The following NEXMIF variants were observed in gnomAD, a reference collection of about 807,000 sequenced individuals.
NEXMIF encodes XLMR protein related to neurite extension.
Under a neutral mutation model 62.1 loss-of-function variants are expected in NEXMIF, and 8 were observed. The observed-to-expected ratio is 0.13, with a 90% confidence interval of 0.08 to 0.23. The LOEUF is 0.23. Ranked by LOEUF, NEXMIF falls within the 10% of genes least tolerant of loss-of-function variation. NEXMIF has a pLI of 1.00. For synonymous variants in NEXMIF, 404 were observed against 416.6 expected (o/e 0.97, Z 0.37); for missense variants, 976 against 1,113.3 (o/e 0.88, Z 1.75).
chrX:74,885,306 C>G (rs1399072546), intron 1 of NEXMIF, among the ~76,000 whole-genome samples: 1 of 111,421 alleles, frequency 9.0e-6, no homozygotes, highest in Non-Finnish European at 1.9e-5. Flanking sequence ...CAGAGCAGAA[C>G]TGAAGGAAAT....
Position 74,742,866 on chromosome X carries a change from C to T in NEXMIF, c.1691G>A (p.Ser564Asn). The change falls in exon 3 of 4, where the codon AGT becomes AAT. Residue 564 changes from serine to asparagine, a missense_variant. Ser to Asn is a conservative substitution (Grantham distance 46). Coordinates refer to ENST00000055682, the MANE Select transcript of NEXMIF (RefSeq NM_001008537.3). ...MLVKLGKVDA[S>N]ETTVNLSENQ... Reference sequence around the variant, plus strand: ...CTCACTCAAATTCACTGTTGTCTCACTGGCATCCACCTTACCCAACTTCAC... The same window carrying T: ...CTCACTCAAATTCACTGTTGTCTCATTGGCATCCACCTTACCCAACTTCAC... The T allele has an allele frequency of 8.3e-7, 1 of 1,211,587 alleles. No homozygotes were observed. Among genetic ancestry groups the T allele is most frequent in the African/African-American group, 1.7e-5 (1 of 57,766 alleles).
chrX:74,746,707 T>C (rs1272658043), intron 1 of NEXMIF, among the ~76,000 whole-genome samples: 1 of 112,600 alleles, frequency 8.9e-6, no homozygotes, highest in Non-Finnish European at 1.9e-5. Flanking sequence ...ATTCAATCTA[T>C]AAAATATTTT....
At chrX:74,880,407 A>T (rs976161909) in intron 1 of NEXMIF, among the ~76,000 whole-genome samples, 2 of 111,723 alleles carry the variant, frequency 1.8e-5, no homozygotes, top group African/African-American at 6.5e-5. Flanking sequence ...GGGAAGGAGG[A>T]AACTGGGGCC....
intron 1 of NEXMIF, among the ~76,000 whole-genome samples, chrX:74,794,686 T>C (rs775702737): frequency 4.5e-5 from 5 of 111,975 alleles, no homozygotes; most frequent in Admixed American, 2.8e-4. Flanking sequence ...TGGTGCGCCT[T>C]TTTTTAAGCC....
chrX:74,846,474 T>A (rs1258849738), intron 1 of NEXMIF, among the ~76,000 whole-genome samples: 1 of 112,043 alleles, frequency 8.9e-6, no homozygotes. Flanking sequence ...TTCTCCCTTA[T>A]CATATATTAT....
Position 74,821,112 on chromosome X carries a change from AT to A in NEXMIF, c.-47-75416del, listed in dbSNP as rs202052872. Among the ~76,000 whole-genome samples the A allele has an allele frequency of 5.8e-3, 641 of 110,906 alleles. 5 individuals are homozygous for A. The highest frequency in any genetic ancestry group is 0.018 in the African/African-American group (542 of 30,546). On this transcript the variant is annotated intron_variant, in intron 1 of 3. Coordinates refer to ENST00000055682, the MANE Select transcript of NEXMIF (RefSeq NM_001008537.3). ...CCAGGCTGCTGTCCAGAAAAAAAAAATCTCTCATACTTTAGTAGAAAACAAC... is the reference window on the plus strand; with the variant it reads ...CCAGGCTGCTGTCCAGAAAAAAAAAACTCTCATACTTTAGTAGAAAACAAC...
At chrX:74,761,230 A>G (rs191984635) in intron 1 of NEXMIF, among the ~76,000 whole-genome samples, 1 of 111,296 alleles carries the variant, frequency 9.0e-6, no homozygotes, top group African/African-American at 3.3e-5. Flanking sequence ...TGCTGGCCTC[A>G]TAGAATGAGT....
chrX:74,876,749 C>T (rs1271341734), intron 1 of NEXMIF, among the ~76,000 whole-genome samples: 4 of 101,066 alleles, frequency 4.0e-5, no homozygotes, highest in East Asian at 3.1e-4. Context: ...TATGTAATGG[C>T]CTTCTTTGTC....
intron 1 of NEXMIF, among the ~76,000 whole-genome samples, chrX:74,870,505 G>A (rs962366945): frequency 9.0e-6 from 1 of 111,417 alleles, no homozygotes; most frequent in Non-Finnish European, 1.9e-5. Context: ...GCACAGCAAA[G>A]GAAACAATCA....
At chrX:74,789,148 C>A (rs1483867247) in intron 1 of NEXMIF, among the ~76,000 whole-genome samples, 2 of 86,384 alleles carry the variant, frequency 2.3e-5, no homozygotes, top group Non-Finnish European at 4.5e-5. Context: ...CACCACAGTC[C>A]CCAGTGTGAT....
chrX:74,802,083 G>C (rs2080331463), intron 1 of NEXMIF, among the ~76,000 whole-genome samples: 2 of 112,203 alleles, frequency 1.8e-5, no homozygotes, highest in South Asian at 7.5e-4. Flanking sequence ...TTGGACTCTA[G>C]TCCCTGGCAC....
intron 1 of NEXMIF, among the ~76,000 whole-genome samples, chrX:74,785,113 T>C (rs1321325745): frequency 9.0e-6 from 1 of 111,475 alleles, no homozygotes; most frequent in African/African-American, 3.3e-5. Flanking sequence ...TTATTGATTC[T>C]GCTTTCTGTC....
At chrX:74,799,693 C>T (rs1020170165) in intron 1 of NEXMIF, among the ~76,000 whole-genome samples, 2 of 111,074 alleles carry the variant, frequency 1.8e-5, no homozygotes, top group African/African-American at 6.6e-5. Flanking sequence ...TGCACCGGCA[C>T]GATCACGGCT....
intron 1 of NEXMIF, among the ~76,000 whole-genome samples, chrX:74,830,659 C>T (rs1393819184): frequency 8.9e-6 from 1 of 112,010 alleles, no homozygotes; most frequent in Non-Finnish European, 1.9e-5. Context: ...AACATTTTAA[C>T]AATATTGATT....
rs180866095 is a variant in NEXMIF at position 74,810,699 on chromosome X, T to G, written c.-47-65002A>C. Among the ~76,000 whole-genome samples, 41 of 110,501 alleles carry G rather than the reference T, an allele frequency of 3.7e-4. 1 individual carries two copies. In the East Asian group the frequency reaches 9.9e-3, roughly 27 times the overall value. On this transcript the variant is annotated intron_variant, in intron 1 of 3. Coordinates refer to ENST00000055682, the MANE Select transcript of NEXMIF (RefSeq NM_001008537.3). ...CTAGCTCTGACATTGTTACGTCACC[T>G]TAAGTAATCCATTTCCTGTACGGGC...
chrX:74,790,598 C>G (rs2080277875), intron 1 of NEXMIF, among the ~76,000 whole-genome samples: 1 of 113,186 alleles, frequency 8.8e-6, no homozygotes, highest in African/African-American at 3.2e-5. Flanking sequence ...CTGATTCTTC[C>G]TACCCATGAG....
Position 74,883,358 on chromosome X carries a change from A to C in NEXMIF, c.-48+41525T>G, listed in dbSNP as rs6647558. 9.9e-5 allele frequency among the ~76,000 whole-genome samples: 11 copies of C among 110,803 alleles called. No individual in the cohort carries two copies. In the South Asian group the frequency reaches 1.2e-3, roughly 12 times the overall value. On this transcript the variant is annotated intron_variant, in intron 1 of 3. Transcript: ENST00000055682. Reference sequence around the variant, plus strand: ...AGACCAAACTACTCCGAGCTAAAGAAGGAAGTTCGAACCAATGGCAAAGAA... The same window carrying C: ...AGACCAAACTACTCCGAGCTAAAGACGGAAGTTCGAACCAATGGCAAAGAA...
intron 1 of NEXMIF, among the ~76,000 whole-genome samples, chrX:74,920,022 T>C (rs757331632): frequency 1.8e-5 from 2 of 112,093 alleles, no homozygotes; most frequent in Non-Finnish European, 3.8e-5. Context: ...ATCCAGTCTA[T>C]CATTGTTGGA....
intron 1 of NEXMIF, among the ~76,000 whole-genome samples, chrX:74,843,656 C>T (rs1458900358): frequency 2.7e-5 from 3 of 111,367 alleles, no homozygotes; most frequent in African/African-American, 6.5e-5. Flanking sequence ...CCTCGTGATC[C>T]GCCTGCCTCA....
Sources: gnomAD v4.1 joint callset for allele counts (sites outside exome capture counted in the v4.1 genomes callset) on GRCh38, gnomAD v4.1.1 for gene constraint, MANE v1.5 for transcripts, NCBI Gene and HGNC (gene_info 2026-07-23, HGNC 2026-07-21) for gene names.